Variants in RETREG3 observed in about 807,000 individuals in gnomAD.
RETREG3 encodes the protein reticulophagy regulator family member 3.
A neutral mutation model predicts 50.2 loss-of-function variants in RETREG3; 23 were observed. That is an observed-to-expected ratio of 0.46 (90% CI 0.33 to 0.65). The LOEUF (loss-of-function observed/expected upper bound fraction) is 0.65, where lower values mean the gene tolerates loss of function less well. Ranked by LOEUF, RETREG3 falls within the 30% of genes least tolerant of loss-of-function variation. The probability of loss-of-function intolerance (pLI) is 0.02; values close to 1 mark genes in which losing one functional copy is unlikely to be tolerated. For missense variants in RETREG3, 546 were observed against 598.0 expected (o/e 0.91, Z 0.91); for synonymous variants, 240 against 234.4 (o/e 1.02, Z -0.22).
rs145518918 is a variant in RETREG3, at chr17:42,609,261, G to A, written c.64C>T (p.Arg22Cys). Residue 22 changes from arginine (R) to cysteine (C), a missense_variant, in exon 1 of 9, where the codon CGC becomes TGC. Physicochemically the swap from Arg to Cys is radical, Grantham distance 180 (BLOSUM62 -3). Coordinates refer to ENST00000309428, the MANE Select transcript of RETREG3 (RefSeq NM_178126.4). ...TCCCAGGAGCCTGACACATCTCGGC[G>A]GCCCCTGAAAGTCGACCCCGAAGCC... ...GPASGSTFRGRRDVSGSWERD... is the reference protein window; with the variant it reads ...GPASGSTFRGCRDVSGSWERD... 1.4e-4 allele frequency: 226 copies of A among 1,606,366 alleles called. No homozygotes were observed. In the African/African-American group the frequency reaches 2.1e-3, roughly 15 times the overall value.
chr17:42,599,067 T>C (rs954664603), intron 1 of RETREG3: 2 of 152,186 alleles, frequency 1.3e-5, no homozygotes, highest in Non-Finnish European at 2.9e-5. Context: ...AAGGGGAAAT[T>C]GCCAACAGTC....
At chr17:42,596,440 T>TA (rs1405910166) in intron 1 of RETREG3, 1 of 151,494 alleles carries the variant, frequency 6.6e-6, no homozygotes, top group African/African-American at 2.4e-5. Flanking sequence ...TACACTGTTT[T>TA]ATCTGCTTGT....
Position 42,608,984 on chromosome 17 carries a change from G to T in RETREG3, c.239+102C>A, listed in dbSNP as rs967889755. 7 of 1,206,280 alleles carry T rather than the reference G, an allele frequency of 5.8e-6. No homozygotes were observed. In the Admixed American group the frequency reaches 1.1e-4, roughly 20 times the overall value. The allele number at this position is 1,206,280 out of a possible 1,614,324, so 74.7% of individuals were successfully genotyped here. A position where few individuals can be genotyped will look rare whatever the true frequency, so the allele number is the denominator to read the frequency against. ...AGGCAAAATTAGGCAAGTACAGGAA[G>T]GAGCCAGTGCAGCGAAGAAAACAGG... is the stretch of plus-strand genomic sequence containing the variant. On this transcript the variant is annotated intron_variant, in intron 1 of 8. Coordinates refer to ENST00000309428, the MANE Select transcript of RETREG3 (RefSeq NM_178126.4).
At chr17:42,585,061 C>G in intron 6 of RETREG3, 64 bp downstream of exon 6, 2 of 1,590,764 alleles carry the variant, frequency 1.3e-6, no homozygotes, top group Non-Finnish European at 1.7e-6. Flanking sequence ...GTATGTCAGA[C>G]CTATGGGCTT....
intron 1 of RETREG3, among the ~76,000 whole-genome samples, chr17:42,601,219 G>A (rs185270725): frequency 5.9e-5 from 9 of 152,244 alleles, no homozygotes; most frequent in Admixed American, 3.9e-4. Context: ...GGAGGTTGCA[G>A]TGAGCTGAGA....
At chr17:42,583,639 G>T in intron 6 of RETREG3, 59 bp from the exon 7 acceptor site, 1 of 1,492,966 alleles carries the variant, frequency 6.7e-7, no homozygotes, top group Non-Finnish European at 9.2e-7. Context: ...ATCCCCTTTG[G>T]ACTTTAAAGA....
intron 2 of RETREG3, among the ~76,000 whole-genome samples, chr17:42,590,615 T>C (rs931723551): frequency 2.0e-5 from 3 of 151,194 alleles, no homozygotes; most frequent in African/African-American, 7.3e-5. Flanking sequence ...GAGGCCACAG[T>C]GAGCCATGAT....
At position 42,582,265 on chromosome 17, in the gene RETREG3, C is replaced by T. The variant is rs759786335; in HGVS notation, c.949G>A (p.Asp317Asn). 2 of 1,602,938 alleles carry T rather than the reference C, an allele frequency of 1.2e-6. No homozygotes were observed. The highest frequency in any genetic ancestry group is 1.7e-5 in the Admixed American group (1 of 59,916). ...TPLTEGSEDL[D>N]GHSDPEESFA... ...GATTCCTCTGGATCACTGTGACCATCTAGGTCTGGTGGAATACAGAAGTGT... is the reference window on the plus strand; with the variant it reads ...GATTCCTCTGGATCACTGTGACCATTTAGGTCTGGTGGAATACAGAAGTGT... Residue 317 changes from aspartate (D) to asparagine (N), a missense_variant, in exon 9 of 9, where the codon GAT (aspartate) becomes AAT (asparagine). Transcript: ENST00000309428.
Position 42,609,232 on chromosome 17 carries a change from C to G in RETREG3, c.93G>C (p.Arg31=), listed in dbSNP as rs779081848. Residue 31 remains arginine, a synonymous_variant, in exon 1 of 9, where the codon CGG becomes CGC. Coordinates refer to ENST00000309428, the MANE Select transcript of RETREG3 (RefSeq NM_178126.4). ...GCTGCGCCGCCTCAACCTGCTGGTCCCGCTCCCAGGAGCCTGACACATCTC... is the reference window on the plus strand; with the variant it reads ...GCTGCGCCGCCTCAACCTGCTGGTCGCGCTCCCAGGAGCCTGACACATCTC... ...GRRDVSGSWE[R]DQQVEAAQRA... is the part of the protein sequence containing the mutation. The G allele has an allele frequency of 1.2e-6, 2 of 1,608,422 alleles. No individual in the cohort carries two copies. The highest frequency in any genetic ancestry group is 1.7e-6 in the Non-Finnish European group (2 of 1,179,816).
intron 1 of RETREG3, among the ~76,000 whole-genome samples, chr17:42,605,971 A>G (rs2093167129): frequency 6.9e-6 from 1 of 145,106 alleles, no homozygotes; most frequent in African/African-American, 2.6e-5. Context: ...AGCCTGGGTG[A>G]CAGAGCGAGA....
At chr17:42,586,423 G>A (rs1446617584) in intron 4 of RETREG3, 7 of 419,442 alleles carry the variant, frequency 1.7e-5, no homozygotes, top group African/African-American at 4.0e-5. Flanking sequence ...TGTTGGTGGT[G>A]GTTTTTTAAG....
Position 42,586,036 on chromosome 17 carries a change from G to A in RETREG3, c.589+17C>T. On this transcript the variant is annotated intron_variant, in intron 5 of 8. Transcript: ENST00000309428. ...GAGCAGGGTATACTTTGTAGGGGAGGTATATGTCATACTTACGCATCAAGT... is the reference window on the plus strand; with the variant it reads ...GAGCAGGGTATACTTTGTAGGGGAGATATATGTCATACTTACGCATCAAGT... 1 of 1,612,538 alleles carries A rather than the reference G, an allele frequency of 6.2e-7. No homozygotes were observed. The highest frequency in any genetic ancestry group is 8.5e-7 in the Non-Finnish European group (1 of 1,178,608).
Position 42,597,521 on chromosome 17 carries a change from G to GTATA in RETREG3, c.240-5360_240-5359insTATA, listed in dbSNP as rs1232013094. On this transcript the variant is annotated intron_variant, in intron 1 of 8. Coordinates refer to ENST00000309428, the MANE Select transcript of RETREG3 (RefSeq NM_178126.4). ...TTTGTGTGTGTGTGTGTGTGTGTGT[G>GTATA]TGTATATATATATATATATATTTCG... Among the ~76,000 whole-genome samples the GTATA allele has an allele frequency of 6.0e-4, 39 of 65,278 alleles. 1 individual carries two copies. The highest frequency in any genetic ancestry group is 2.1e-3 in the African/African-American group (37 of 17,888). 42.8% of individuals were successfully genotyped at this position (65,278 alleles called of 152,430 possible). A position where few individuals can be genotyped will look rare whatever the true frequency, so the allele number is the denominator to read the frequency against.
intron 1 of RETREG3, among the ~76,000 whole-genome samples, chr17:42,601,504 C>T (rs1302116516): frequency 4.2e-5 from 6 of 143,768 alleles, no homozygotes; most frequent in Non-Finnish European, 9.0e-5. Context: ...ACCTGAGAGG[C>T]GGAGCTTGCA....
Position 42,609,145 on chromosome 17 carries a change from C to G in RETREG3, c.180G>C (p.Leu60=), listed in dbSNP as rs1272669416. 1.9e-6 allele frequency: 3 copies of G among 1,610,020 alleles called. No individual in the cohort carries two copies. Among genetic ancestry groups the G allele is most frequent in the Non-Finnish European group, 2.5e-6 (3 of 1,179,912 alleles). ...CGCTCCTAGCTGGCCGCTCCCACAC[C>G]AGGGCTGCCTGCACCCGACTCAGCA... is the stretch of plus-strand genomic sequence containing the variant. ...EPLLSRVQAA[L]VWERPARSAL... is the part of the protein sequence containing the mutation. The change falls in exon 1 of 9, where the codon CTG becomes CTC. Residue 60 remains leucine (L), a synonymous_variant. Transcript: ENST00000309428.
At position 42,582,742 on chromosome 17, in the gene RETREG3, A is replaced by G. The variant is rs201057356; in HGVS notation, c.875T>C (p.Val292Ala). The G allele has an allele frequency of 8.9e-5, 144 of 1,614,196 alleles. No homozygotes were observed. Among genetic ancestry groups the G allele is most frequent in the Non-Finnish European group, 1.1e-4 (135 of 1,180,038 alleles). The part of the protein sequence containing the change: ...ITDSEHSDAE[V>A]SCTDNGTFNL... The stretch of plus-strand genomic sequence containing the variant: ...GAATGTGCCATTGTCTGTACAGGAG[A>G]CTTCAGCGTCTGAGTGCTCAGAGTC... The change falls in exon 8 of 9, where the codon GTC becomes GCC. Residue 292 changes from valine to alanine, a missense_variant. Physicochemically the swap from Val to Ala is moderately conservative, Grantham distance 64. Coordinates refer to ENST00000309428, the MANE Select transcript of RETREG3 (RefSeq NM_178126.4).
At chr17:42,588,270 T>A (rs1375435666) in intron 2 of RETREG3, among the ~76,000 whole-genome samples, 1 of 152,246 alleles carries the variant, frequency 6.6e-6, no homozygotes, top group Non-Finnish European at 1.5e-5. Context: ...TTTATTTTTT[T>A]TGAGACAGAG....
chr17:42,600,646 A>G (rs1258532501), intron 1 of RETREG3, among the ~76,000 whole-genome samples: 1 of 152,194 alleles, frequency 6.6e-6, no homozygotes, highest in Non-Finnish European at 1.5e-5. Context: ...TATTATGTAC[A>G]TGGTGGCACA....
intron 1 of RETREG3, among the ~76,000 whole-genome samples, chr17:42,601,581 A>AT (rs1176686573): frequency 6.7e-6 from 1 of 149,782 alleles, no homozygotes; most frequent in Non-Finnish European, 1.5e-5. Flanking sequence ...TCTCAAAAAA[A>AT]AAAAAGAAAA....
Sources: gnomAD v4.1 joint callset for allele counts (sites outside exome capture counted in the v4.1 genomes callset) on GRCh38, gnomAD v4.1.1 for gene constraint, MANE v1.5 for transcripts, NCBI Gene and HGNC (gene_info 2026-07-23, HGNC 2026-07-21) for gene names.